MISP3: variants seen among roughly 807,000 people sequenced by gnomAD.
MISP3 encodes the protein MISP family member 3.
A neutral mutation model predicts 5.5 loss-of-function variants in MISP3; 9 were observed. The ratio of observed to expected loss-of-function variants is 1.65; its 90% CI spans 0.99 to 2.87. The LOEUF is 2.87. Among genes scored for constraint, MISP3 ranks in the 30% most tolerant of loss-of-function variants. MISP3 has a pLI of 0.00. For missense variants in MISP3, 152 were observed against 84.1 expected, an observed-to-expected ratio of 1.81 and a Z score of -3.16; for synonymous variants, 87 against 38.1, an observed-to-expected ratio of 2.28 and a Z score of -4.73.
At position 14,074,909 on chromosome 19, in the gene MISP3, C is replaced by A; in HGVS notation, c.*186C>A. Reference sequence around the variant, plus strand: ...TTACAGTCCCCCATTGGGAAACTGACCACCACCCACAACTCCGCCAGTGAA... The same window carrying A: ...TTACAGTCCCCCATTGGGAAACTGAACACCACCCACAACTCCGCCAGTGAA... On this transcript the variant is annotated 3_prime_UTR_variant, in exon 3 of 3. Coordinates refer to ENST00000587086, the MANE Select transcript of MISP3 (RefSeq NM_001291291.2). The surrounding 1 kb of genome is among the most constrained non-coding windows in gnomAD (Gnocchi z 4.4). 1 of 601,310 alleles carries A rather than the reference C, an allele frequency of 1.7e-6. No individual in the cohort carries two copies. The highest frequency in any genetic ancestry group is 1.9e-5 in the South Asian group (1 of 54,012). The allele number at this position is 601,310 out of a possible 1,614,324, so 37.2% of individuals were successfully genotyped here.
Position 14,072,809 on chromosome 19 carries a change from C to T in MISP3, c.-501C>T, listed in dbSNP as rs1222964550. On this transcript the variant is annotated 5_prime_UTR_variant, in exon 1 of 3. Coordinates refer to ENST00000587086, the MANE Select transcript of MISP3 (RefSeq NM_001291291.2). This position sits in a 1 kb window ranked among gnomAD's most constrained non-coding sequence, Gnocchi z 6.8. ...TTGGAACCCACGGCCGCCACTGCCG[C>T]CACAGGTGCCTCACAGTGCCCTCTG... 1.1e-5 allele frequency: 4 copies of T among 359,806 alleles called. No individual in the cohort carries two copies. Among genetic ancestry groups the T allele is most frequent in the Non-Finnish European group, 1.6e-5 (3 of 182,966 alleles). 22.3% of individuals were successfully genotyped at this position (359,806 alleles called of 1,614,324 possible). A position where few individuals can be genotyped will look rare whatever the true frequency, so the allele number is the denominator to read the frequency against.
At position 14,073,144 on chromosome 19, in the gene MISP3, A is replaced by G. The variant is rs1976614784; in HGVS notation, c.-166A>G. ...CTGCGGGCTTTGAGAGTCCTGAGCCAGGCAGAGACGACCCTGGGCCGTCCG... is the reference window on the plus strand; with the variant it reads ...CTGCGGGCTTTGAGAGTCCTGAGCCGGGCAGAGACGACCCTGGGCCGTCCG... On this transcript the variant is annotated 5_prime_UTR_variant, in exon 1 of 3. Coordinates refer to ENST00000587086, the MANE Select transcript of MISP3 (RefSeq NM_001291291.2). This position sits in a 1 kb window ranked among gnomAD's most constrained non-coding sequence, Gnocchi z 8.5. 1.5e-6 allele frequency: 1 copy of G among 668,174 alleles called. No individual in the cohort carries two copies. The highest frequency in any genetic ancestry group is 2.8e-6 in the Non-Finnish European group (1 of 362,672). The allele number at this position is 668,174 out of a possible 1,614,324, so 41.4% of individuals were successfully genotyped here.
rs1758622156 is a variant in MISP3 at position 14,074,165 on chromosome 19, CT to C, written c.569-224del. On this transcript the variant is annotated intron_variant, in intron 1 of 2. Coordinates refer to ENST00000587086, the MANE Select transcript of MISP3 (RefSeq NM_001291291.2). This position sits in a 1 kb window ranked among gnomAD's most constrained non-coding sequence, Gnocchi z 4.4. ...CCTTTTTGTCGGGTTCCAGGGAACC[CT>C]GACTGGGTTCTGGCACTCCTGGGTC... 6 of 594,464 alleles carry C rather than the reference CT, an allele frequency of 1.0e-5. No individual in the cohort carries two copies. Among genetic ancestry groups the C allele is most frequent in the Non-Finnish European group, 1.8e-5 (6 of 334,920 alleles). The allele number at this position is 594,464 out of a possible 1,614,324, so 36.8% of individuals were successfully genotyped here.
Position 14,073,446 on chromosome 19 carries a change from C to T in MISP3, c.137C>T (p.Pro46Leu), listed in dbSNP as rs896435341. Residue 46 changes from proline (P) to leucine (L), a missense_variant, in exon 1 of 3, where the codon CCG (proline) becomes CTG (leucine). Transcript: ENST00000587086. The surrounding 1 kb of genome is among the most constrained non-coding windows in gnomAD (Gnocchi z 8.5). ...CGCGTGCGGCCGGTGCTCAACCTGCCGGGTCCTGGCCCCGCGCTCCCGCGC... is the reference window on the plus strand; with the variant it reads ...CGCGTGCGGCCGGTGCTCAACCTGCTGGGTCCTGGCCCCGCGCTCCCGCGC... ...ELRVRPVLNL[P>L]GPGPALPRAL... 16 of 607,162 alleles carry T rather than the reference C, an allele frequency of 2.6e-5. No individual in the cohort carries two copies. The highest frequency in any genetic ancestry group is 1.8e-4 in the African/African-American group (9 of 50,016). 37.6% of individuals were successfully genotyped at this position (607,162 alleles called of 1,614,324 possible). A position where few individuals can be genotyped will look rare whatever the true frequency, so the allele number is the denominator to read the frequency against.
At position 14,072,846 on chromosome 19, in the gene MISP3, G is replaced by A. The variant is rs531364781; in HGVS notation, c.-464G>A. 3.5e-4 allele frequency: 133 copies of A among 382,004 alleles called. No individual in the cohort carries two copies. Among genetic ancestry groups the A allele is most frequent in the South Asian group, 2.4e-3 (127 of 52,420 alleles). 23.7% of individuals were successfully genotyped at this position (382,004 alleles called of 1,614,324 possible). A position where few individuals can be genotyped will look rare whatever the true frequency, so the allele number is the denominator to read the frequency against. On this transcript the variant is annotated 5_prime_UTR_variant, in exon 1 of 3. Coordinates refer to ENST00000587086, the MANE Select transcript of MISP3 (RefSeq NM_001291291.2). The surrounding 1 kb of genome is among the most constrained non-coding windows in gnomAD (Gnocchi z 6.8). ...CACAGTGCCCTCTGTCCTCGCTCTG[G>A]GAATCAAAACCCCGGTTGGGAACTG...
In MISP3 at chr19:14,074,892, C is replaced by T. The variant is rs529988951; in HGVS notation, c.*169C>T. 30 of 609,248 alleles carry T rather than the reference C, an allele frequency of 4.9e-5. No individual in the cohort carries two copies. In the African/African-American group the frequency reaches 4.9e-4, roughly 10 times the overall value. 37.7% of individuals were successfully genotyped at this position (609,248 alleles called of 1,614,324 possible). ...AGCCCCCTCTATAAAACTTACAGTC[C>T]CCCATTGGGAAACTGACCACCACCC... On this transcript the variant is annotated 3_prime_UTR_variant, in exon 3 of 3. Coordinates refer to ENST00000587086, the MANE Select transcript of MISP3 (RefSeq NM_001291291.2). The surrounding 1 kb of genome is among the most constrained non-coding windows in gnomAD (Gnocchi z 4.4).
In MISP3 at chr19:14,073,134, G is replaced by GT. The variant is rs1194293902; in HGVS notation, c.-175dup. Reference sequence around the variant, plus strand: ...CTGTCCACAGCTGCGGGCTTTGAGAGTCCTGAGCCAGGCAGAGACGACCCT... The same window carrying GT: ...CTGTCCACAGCTGCGGGCTTTGAGAGTTCCTGAGCCAGGCAGAGACGACCCT... On this transcript the variant is annotated 5_prime_UTR_variant, in exon 1 of 3. Transcript: ENST00000587086. The surrounding 1 kb of genome is among the most constrained non-coding windows in gnomAD (Gnocchi z 8.5). 2 of 665,264 alleles carry GT rather than the reference G, an allele frequency of 3.0e-6. No homozygotes were observed. The highest frequency in any genetic ancestry group is 2.8e-6 in the Non-Finnish European group (1 of 360,880). 41.2% of individuals were successfully genotyped at this position (665,264 alleles called of 1,614,324 possible).
Position 14,074,844 on chromosome 19 carries a change from G to C in MISP3, c.*121G>C, listed in dbSNP as rs1028194749. 1 of 661,200 alleles carries C rather than the reference G, an allele frequency of 1.5e-6. No homozygotes were observed. The highest frequency in any genetic ancestry group is 1.5e-5 in the South Asian group (1 of 65,806). 41.0% of individuals were successfully genotyped at this position (661,200 alleles called of 1,614,324 possible). A position where few individuals can be genotyped will look rare whatever the true frequency, so the allele number is the denominator to read the frequency against. On this transcript the variant is annotated 3_prime_UTR_variant, in exon 3 of 3. Coordinates refer to ENST00000587086, the MANE Select transcript of MISP3 (RefSeq NM_001291291.2). The surrounding 1 kb of genome is among the most constrained non-coding windows in gnomAD (Gnocchi z 4.4). ...TCTCTGCATTGGGGAAGATGAAATC[G>C]ACTTGCCTTTGTGAAATTGACCAGC...
rs995836664 is a variant in MISP3 at position 14,073,145 on chromosome 19, G to T, written c.-165G>T. On this transcript the variant is annotated 5_prime_UTR_variant, in exon 1 of 3. The change creates a new upstream start codon in the 5' untranslated region. Coordinates refer to ENST00000587086, the MANE Select transcript of MISP3 (RefSeq NM_001291291.2). This position sits in a 1 kb window ranked among gnomAD's most constrained non-coding sequence, Gnocchi z 8.5. ...TGCGGGCTTTGAGAGTCCTGAGCCAGGCAGAGACGACCCTGGGCCGTCCGA... is the reference window on the plus strand; with the variant it reads ...TGCGGGCTTTGAGAGTCCTGAGCCATGCAGAGACGACCCTGGGCCGTCCGA... 1 of 669,214 alleles carries T rather than the reference G, an allele frequency of 1.5e-6. No individual in the cohort carries two copies. The highest frequency in any genetic ancestry group is 2.0e-5 in the Admixed American group (1 of 48,854). 41.5% of individuals were successfully genotyped at this position (669,214 alleles called of 1,614,324 possible). A position where few individuals can be genotyped will look rare whatever the true frequency, so the allele number is the denominator to read the frequency against.
rs1371734052 is a variant in MISP3 at position 14,073,464 on chromosome 19, T to TCCCGCGCG, written c.159_166dup (p.Leu56ArgfsTer147). 2.0e-6 allele frequency: 1 copy of TCCCGCGCG among 509,672 alleles called. No individual in the cohort carries two copies. The highest frequency in any genetic ancestry group is 3.4e-6 in the Non-Finnish European group (1 of 293,694). 31.6% of individuals were successfully genotyped at this position (509,672 alleles called of 1,614,324 possible). A position where few individuals can be genotyped will look rare whatever the true frequency, so the allele number is the denominator to read the frequency against. ...AACCTGCCGGGTCCTGGCCCCGCGC[T>TCCCGCGCG]CCCGCGCGCCCTGGAGCGGGCGCGG... On this transcript the variant is annotated frameshift_variant, in exon 1 of 3. Coordinates refer to ENST00000587086, the MANE Select transcript of MISP3 (RefSeq NM_001291291.2). LOFTEE classifies it high-confidence loss of function. The surrounding 1 kb of genome is among the most constrained non-coding windows in gnomAD (Gnocchi z 8.5).
rs2145718406 is a variant in MISP3 at position 14,073,442 on chromosome 19, C to T, written c.133C>T (p.Leu45=). ...GCTGCGCGTGCGGCCGGTGCTCAAC[C>T]TGCCGGGTCCTGGCCCCGCGCTCCC... ...VELRVRPVLN[L]PGPGPALPRA... Residue 45 remains leucine (L), a synonymous_variant, in exon 1 of 3, where the codon CTG becomes TTG. Coordinates refer to ENST00000587086, the MANE Select transcript of MISP3 (RefSeq NM_001291291.2). This position sits in a 1 kb window ranked among gnomAD's most constrained non-coding sequence, Gnocchi z 8.5. 3.2e-6 allele frequency: 2 copies of T among 616,244 alleles called. No individual in the cohort carries two copies. Among genetic ancestry groups the T allele is most frequent in the East Asian group, 6.6e-5 (2 of 30,246 alleles). The allele number at this position is 616,244 out of a possible 1,614,324, so 38.2% of individuals were successfully genotyped here.
In MISP3 at chr19:14,073,818, G is replaced by A. The variant is rs762726115; in HGVS notation, c.509G>A (p.Arg170His). ...CGCGAGCGCGAGCAGGAACTGCAGC[G>A]CCAGCGGCGCAGCGTCTATGGCACC... is the stretch of plus-strand genomic sequence containing the variant. Reference protein sequence around the residue: ...AVREREQELQRQRRSVYGTAE... With the variant: ...AVREREQELQHQRRSVYGTAE... The change falls in exon 1 of 3, where the codon CGC becomes CAC. Residue 170 changes from arginine to histidine, a missense_variant. Physicochemically the swap from Arg to His is conservative, Grantham distance 29. Coordinates refer to ENST00000587086, the MANE Select transcript of MISP3 (RefSeq NM_001291291.2). This position sits in a 1 kb window ranked among gnomAD's most constrained non-coding sequence, Gnocchi z 8.5. 58 of 701,662 alleles carry A rather than the reference G, an allele frequency of 8.3e-5. No homozygotes were observed. Among genetic ancestry groups the A allele is most frequent in the Admixed American group, 1.4e-4 (7 of 49,976 alleles). The allele number at this position is 701,662 out of a possible 1,614,324, so 43.5% of individuals were successfully genotyped here.
At position 14,073,168 on chromosome 19, in the gene MISP3, C is replaced by G; in HGVS notation, c.-142C>G. 1 of 673,926 alleles carries G rather than the reference C, an allele frequency of 1.5e-6. No homozygotes were observed. Among genetic ancestry groups the G allele is most frequent in the Non-Finnish European group, 2.7e-6 (1 of 366,496 alleles). 41.7% of individuals were successfully genotyped at this position (673,926 alleles called of 1,614,324 possible). On this transcript the variant is annotated 5_prime_UTR_variant, in exon 1 of 3. Coordinates refer to ENST00000587086, the MANE Select transcript of MISP3 (RefSeq NM_001291291.2). This position sits in a 1 kb window ranked among gnomAD's most constrained non-coding sequence, Gnocchi z 8.5. ...CAGGCAGAGACGACCCTGGGCCGTC[C>G]GAAGCGCAAAGGGCGGAGGTCCAGG... is the stretch of plus-strand genomic sequence containing the variant.
chr19:14,073,043 G>A lies in MISP3; in HGVS notation c.-267G>A, dbSNP rs1439237510. Reference sequence around the variant, plus strand: ...CCCCAAGCCCTCCGCAAAGGACGTGGAGATCCTGGAGCAAGAGAGCGAAGT... The same window carrying A: ...CCCCAAGCCCTCCGCAAAGGACGTGAAGATCCTGGAGCAAGAGAGCGAAGT... On this transcript the variant is annotated 5_prime_UTR_variant, in exon 1 of 3. Transcript: ENST00000587086. This position sits in a 1 kb window ranked among gnomAD's most constrained non-coding sequence, Gnocchi z 8.5. 2 of 558,508 alleles carry A rather than the reference G, an allele frequency of 3.6e-6. No homozygotes were observed. Among genetic ancestry groups the A allele is most frequent in the Non-Finnish European group, 6.8e-6 (2 of 293,364 alleles). 34.6% of individuals were successfully genotyped at this position (558,508 alleles called of 1,614,324 possible).
In MISP3 at chr19:14,073,275, C is replaced by T; in HGVS notation, c.-35C>T. 1 of 691,086 alleles carries T rather than the reference C, an allele frequency of 1.4e-6. No individual in the cohort carries two copies. The highest frequency in any genetic ancestry group is 2.6e-6 in the Non-Finnish European group (1 of 377,390). The allele number at this position is 691,086 out of a possible 1,614,324, so 42.8% of individuals were successfully genotyped here. On this transcript the variant is annotated 5_prime_UTR_variant, in exon 1 of 3. Transcript: ENST00000587086. The surrounding 1 kb of genome is among the most constrained non-coding windows in gnomAD (Gnocchi z 8.5). Reference sequence around the variant, plus strand: ...CCCCACCTGCGTTTTCCGCCGTGCCCCGAGGCTCCCCAGCGTCCCCCGGAG... The same window carrying T: ...CCCCACCTGCGTTTTCCGCCGTGCCTCGAGGCTCCCCAGCGTCCCCCGGAG...
chr19:14,073,695 G>T lies in MISP3; in HGVS notation c.386G>T (p.Gly129Val). Residue 129 changes from glycine (G) to valine (V), a missense_variant, in exon 1 of 3, where the codon GGA becomes GTA. By Grantham distance (109) the Gly-to-Val change is moderately radical. Transcript: ENST00000587086. This position sits in a 1 kb window ranked among gnomAD's most constrained non-coding sequence, Gnocchi z 8.5. ...CCGCAGAGGCTGCCAGAGCCTGGGG[G>T]ACGGCCGCGCTCGGCCGTGCAGGGC... ...AGPQRLPEPGGRPRSAVQGGC... is the reference protein window; with the variant it reads ...AGPQRLPEPGVRPRSAVQGGC... The T allele has an allele frequency of 1.8e-6, 1 of 540,802 alleles. No homozygotes were observed. The highest frequency in any genetic ancestry group is 2.0e-5 in the African/African-American group (1 of 49,398). 33.5% of individuals were successfully genotyped at this position (540,802 alleles called of 1,614,324 possible).
rs988002901 is a variant in MISP3, at chr19:14,073,947, G to A, written c.568+70G>A. On this transcript the variant is annotated intron_variant, in intron 1 of 2. Coordinates refer to ENST00000587086, the MANE Select transcript of MISP3 (RefSeq NM_001291291.2). The surrounding 1 kb of genome is among the most constrained non-coding windows in gnomAD (Gnocchi z 8.5). ...CGCCCCCACCGATTGCCCAACTTCA[G>A]TGGCCCCTCCTGTGGCCCTCCGATT... 1 of 680,436 alleles carries A rather than the reference G, an allele frequency of 1.5e-6. No homozygotes were observed. The highest frequency in any genetic ancestry group is 2.7e-6 in the Non-Finnish European group (1 of 375,270). The allele number at this position is 680,436 out of a possible 1,614,324, so 42.1% of individuals were successfully genotyped here. A position where few individuals can be genotyped will look rare whatever the true frequency, so the allele number is the denominator to read the frequency against.
rs2034967841 is a variant in MISP3 at position 14,074,179 on chromosome 19, G to A, written c.569-211G>A. ...TCCAGGGAACCCTGACTGGGTTCTG[G>A]CACTCCTGGGTCCTCCCTCTGAATT... On this transcript the variant is annotated intron_variant, in intron 1 of 2. Transcript: ENST00000587086. The surrounding 1 kb of genome is among the most constrained non-coding windows in gnomAD (Gnocchi z 4.4). The A allele has an allele frequency of 1.2e-5, 7 of 594,850 alleles. No individual in the cohort carries two copies. In the East Asian group the frequency reaches 2.0e-4, roughly 17 times the overall value. 36.8% of individuals were successfully genotyped at this position (594,850 alleles called of 1,614,324 possible).
rs999210415 is a variant in MISP3, at chr19:14,073,436, C to T, written c.127C>T (p.Leu43Phe). ...ELVELRVRPV[L>F]NLPGPGPALP... is the part of the protein sequence containing the mutation. ...CGTCGAGCTGCGCGTGCGGCCGGTG[C>T]TCAACCTGCCGGGTCCTGGCCCCGC... Residue 43 changes from leucine to phenylalanine, a missense_variant, in exon 1 of 3, where the codon CTC (leucine) becomes TTC (phenylalanine). Physicochemically the swap from Leu to Phe is conservative, Grantham distance 22. Transcript: ENST00000587086. The surrounding 1 kb of genome is among the most constrained non-coding windows in gnomAD (Gnocchi z 8.5). The T allele has an allele frequency of 8.0e-5, 52 of 647,104 alleles. No individual in the cohort carries two copies. Among genetic ancestry groups the T allele is most frequent in the Middle Eastern group, 3.6e-4 (1 of 2,790 alleles). The allele number at this position is 647,104 out of a possible 1,614,324, so 40.1% of individuals were successfully genotyped here.
Sources: gnomAD v4.1 joint callset for allele counts on GRCh38, gnomAD v4.1.1 for gene constraint, Gnocchi (gnomAD v3.1) non-coding constraint, MANE v1.5 for transcripts, NCBI Gene and HGNC (gene_info 2026-07-23, HGNC 2026-07-21) for gene names.